The following RBFOX1 variants were observed in gnomAD, a reference collection of about 807,000 sequenced individuals.
The protein encoded by RBFOX1 is RNA binding protein fox-1 homolog 1.
RBFOX1 carries 8 observed loss-of-function variants against 57.7 expected under a neutral mutation model. The ratio of observed to expected loss-of-function variants is 0.14; its 90% CI spans 0.08 to 0.25. The LOEUF is 0.25. Among genes scored for constraint, RBFOX1 ranks in the 10% least tolerant of loss-of-function variants. The probability of loss-of-function intolerance (pLI) is 1.00; values close to 1 mark genes in which losing one functional copy is unlikely to be tolerated. For missense variants in RBFOX1, 611 were observed against 548.5 expected (o/e 1.11, Z -1.14); for synonymous variants, 326 against 222.4 (o/e 1.47, Z -4.15).
intron 2 of RBFOX1, among the ~76,000 whole-genome samples, chr16:5,551,555 C>G (rs1407505888): frequency 2.6e-5 from 4 of 152,202 alleles, no homozygotes; most frequent in African/African-American, 9.7e-5. Flanking sequence ...TGTGTTCCAT[C>G]AAGGGTGATG....
rs2081972555 is a variant in RBFOX1 at position 6,786,421 on chromosome 16, A to AG, written c.-16+131773dup. 2.0e-5 allele frequency among the ~76,000 whole-genome samples: 3 copies of AG among 152,266 alleles called. No individual in the cohort carries two copies. In the South Asian group the frequency reaches 6.2e-4, roughly 32 times the overall value. ...TGGGCTTCATGCATCATTTTTCAGG[A>AG]GGTAGATCAAGTGGAAGAAACATTT... On this transcript the variant is annotated intron_variant, in intron 3 of 15. Transcript: ENST00000550418.
At chr16:6,326,700 T>C (rs2082410386) in intron 2 of RBFOX1, among the ~76,000 whole-genome samples, 1 of 151,778 alleles carries the variant, frequency 6.6e-6, no homozygotes, top group African/African-American at 2.4e-5. Context: ...AACAGAAACG[T>C]CCGTGGCCAT....
chr16:5,854,671 G>T (rs2056980802), intron 3 of RBFOX1, among the ~76,000 whole-genome samples: 1 of 152,028 alleles, frequency 6.6e-6, no homozygotes, highest in South Asian at 2.1e-4. Context: ...ATACTTTGCT[G>T]TAGTGAGTAA....
At chr16:5,856,508 T>C (rs2057061332) in intron 3 of RBFOX1, among the ~76,000 whole-genome samples, 1 of 131,120 alleles carries the variant, frequency 7.6e-6, no homozygotes, top group Non-Finnish European at 1.6e-5. Flanking sequence ...TTGTGCATTT[T>C]GACCAACATC....
At chr16:5,593,133 C>T (rs528030981) in intron 2 of RBFOX1, among the ~76,000 whole-genome samples, 67 of 151,658 alleles carry the variant, frequency 4.4e-4, no homozygotes, top group African/African-American at 1.5e-3. Context: ...AAATGTGGCA[C>T]ATATACACCA....
At chr16:6,974,288 A>C (rs1361637162) in intron 3 of RBFOX1, among the ~76,000 whole-genome samples, 1 of 150,550 alleles carries the variant, frequency 6.6e-6, no homozygotes, top group Non-Finnish European at 1.5e-5. Context: ...TCATTTTAGT[A>C]AATAACAGTC....
intron 1 of RBFOX1, among the ~76,000 whole-genome samples, chr16:5,459,855 A>G (rs2068738134): frequency 6.6e-6 from 1 of 151,882 alleles, no homozygotes; most frequent in South Asian, 2.1e-4. Flanking sequence ...GCTCCAAAAT[A>G]TTTCTCGAGT....
intron 1 of RBFOX1, among the ~76,000 whole-genome samples, chr16:5,337,428 G>A (rs1007026683): frequency 6.6e-6 from 1 of 152,170 alleles, no homozygotes; most frequent in South Asian, 2.1e-4. Context: ...TTTAGTGTAT[G>A]AATTAGTTTA....
At chr16:7,434,901 G>T (rs1320161691) in intron 4 of RBFOX1, among the ~76,000 whole-genome samples, 1 of 151,874 alleles carries the variant, frequency 6.6e-6, no homozygotes, top group Non-Finnish European at 1.5e-5. Flanking sequence ...CACCACACTG[G>T]GCTAATTTTT....
chr16:5,398,947 C>A (rs2066638145), intron 1 of RBFOX1, among the ~76,000 whole-genome samples: 1 of 152,238 alleles, frequency 6.6e-6, no homozygotes, highest in Admixed American at 6.5e-5. Context: ...CGATTGGTGT[C>A]TGACTTTGCA....
chr16:6,338,886 A>G (rs535045048), intron 2 of RBFOX1, among the ~76,000 whole-genome samples: 2 of 152,288 alleles, frequency 1.3e-5, no homozygotes, highest in African/African-American at 4.8e-5. Context: ...TCTTCATTGA[A>G]TGAATTAGTC....
At chr16:7,284,257 A>G (rs146732971) in intron 4 of RBFOX1, among the ~76,000 whole-genome samples, 37 of 152,352 alleles carry the variant, frequency 2.4e-4, no homozygotes, top group African/African-American at 8.2e-4. Context: ...GTAATTCTGT[A>G]TAACAATTCT....
chr16:6,244,172 C>T (rs564017168), intron 1 of RBFOX1, among the ~76,000 whole-genome samples: 4 of 152,000 alleles, frequency 2.6e-5, no homozygotes, highest in African/African-American at 9.7e-5. Flanking sequence ...AGTCTACCTT[C>T]TCAGTCACTG....
At chr16:7,257,242 T>A (rs1389371972) in intron 4 of RBFOX1, among the ~76,000 whole-genome samples, 1 of 152,132 alleles carries the variant, frequency 6.6e-6, no homozygotes, top group Non-Finnish European at 1.5e-5. Flanking sequence ...AATCCCCAGC[T>A]GAGAGTGCGA....
chr16:5,604,895 G>A (rs567759872), downstream of RBFOX1, among the ~76,000 whole-genome samples: 254 of 152,208 alleles, frequency 1.7e-3, 1 homozygote, highest in Middle Eastern at 6.8e-3. Flanking sequence ...TCTGTAGGAC[G>A]TCCCCTGCTG....
intron 3 of RBFOX1, among the ~76,000 whole-genome samples, chr16:5,703,528 C>G (rs1181253788): frequency 6.6e-6 from 1 of 152,108 alleles, no homozygotes; most frequent in African/African-American, 2.4e-5. Context: ...ATTTTGGTCT[C>G]AATTCTTTGA....
chr16:7,104,002 A>C (rs573754619), intron 4 of RBFOX1, among the ~76,000 whole-genome samples: 1 of 152,298 alleles, frequency 6.6e-6, no homozygotes, highest in South Asian at 2.1e-4. Flanking sequence ...CAACAAGAGT[A>C]AAATAGAATT....
At chr16:7,441,661 G>A (rs762503409) in intron 4 of RBFOX1, among the ~76,000 whole-genome samples, 3 of 152,194 alleles carry the variant, frequency 2.0e-5, no homozygotes, top group Non-Finnish European at 2.9e-5. Flanking sequence ...ATTTAAAATC[G>A]AAATTTTTGG....
rs141666681 is a variant in RBFOX1 at position 5,671,908 on chromosome 16, C to G, written c.318+72947C>G. On this transcript the variant is annotated intron_variant, in intron 3 of 19. Transcript: ENST00000641259. ...CCTTGCAGAATATTTAGATTTAAAT[C>G]AGAGCCATAGCTTTTTCCAGGTAGA... is the stretch of plus-strand genomic sequence containing the variant. 2.0e-4 allele frequency among the ~76,000 whole-genome samples: 31 copies of G among 152,262 alleles called. No homozygotes were observed. In the East Asian group the frequency reaches 6.0e-3, roughly 29 times the overall value.
Sources: allele counts gnomAD v4.1 joint callset (sites outside exome capture counted in the v4.1 genomes callset), GRCh38; gene constraint gnomAD v4.1.1; transcripts MANE v1.5; gene names NCBI Gene and HGNC (gene_info 2026-07-23, HGNC 2026-07-21).